Variants in EPB41L4A observed in about 807,000 individuals in gnomAD.
The protein encoded by EPB41L4A is erythrocyte membrane protein band 4.1 like 4A.
A neutral mutation model predicts 108.6 loss-of-function variants in EPB41L4A; 100 were observed. That is an observed-to-expected ratio of 0.92 (90% CI 0.78 to 1.09). EPB41L4A has a LOEUF of 1.09. EPB41L4A is among the 50% of genes least tolerant of loss of function. The pLI, the probability that EPB41L4A is intolerant of heterozygous loss-of-function variation, is 0.00. For missense variants in EPB41L4A, 1,030 were observed against 842.7 expected (o/e 1.22, Z -2.75); for synonymous variants, 319 against 289.0 (o/e 1.10, Z -1.05).
At chr5:112,361,716 T>A (rs200064331) in intron 1 of EPB41L4A, among the ~76,000 whole-genome samples, 106 of 117,626 alleles carry the variant, frequency 9.0e-4, no homozygotes, top group Non-Finnish European at 1.4e-3. Context: ...AAAAAAATAA[T>A]AATAATAATA....
rs372551239 is a variant in EPB41L4A at position 112,296,697 on chromosome 5, C to A, written c.204+10689G>T. ...AATGGTGATTTGTGAGATTTTGGTG[C>A]AACCATCACCCAAGCAGTATACACT... On this transcript the variant is annotated intron_variant, in intron 2 of 22. Transcript: ENST00000261486. 6.5e-4 allele frequency among the ~76,000 whole-genome samples: 99 copies of A among 152,156 alleles called. 2 individuals carry two copies. In the South Asian group the frequency reaches 0.02, roughly 30 times the overall value.
At chr5:112,374,410 G>A (rs1027416587) in intron 1 of EPB41L4A, among the ~76,000 whole-genome samples, 2 of 152,082 alleles carry the variant, frequency 1.3e-5, no homozygotes, top group Non-Finnish European at 2.9e-5. Context: ...TATAGTCAGG[G>A]GAATAAATAC....
chr5:112,384,095 G>A (rs528929171), intron 1 of EPB41L4A, among the ~76,000 whole-genome samples: 5 of 152,252 alleles, frequency 3.3e-5, no homozygotes, highest in South Asian at 2.1e-4. Flanking sequence ...GTTAGGAGTC[G>A]CTGGTGGGGA....
chr5:112,231,087 A>T (rs115660375), intron 12 of EPB41L4A, among the ~76,000 whole-genome samples: 2,179 of 152,352 alleles, frequency 0.014, 44 homozygotes, highest in African/African-American at 0.049. Flanking sequence ...GCTTAAAGAT[A>T]TCACTACAAG....
Position 112,404,691 on chromosome 5 carries a change from A to C in EPB41L4A, c.99+14250T>G, listed in dbSNP as rs114667510. On this transcript the variant is annotated intron_variant, in intron 1 of 22. Coordinates refer to ENST00000261486, the MANE Select transcript of EPB41L4A (RefSeq NM_022140.5). ...ACACTCAATGAAAAGTATTTTCATC[A>C]AGCTGATTATTTCTCAAAGCATAAC... 4.0e-3 allele frequency among the ~76,000 whole-genome samples: 610 copies of C among 152,272 alleles called. 4 individuals carry two copies. The highest frequency in any genetic ancestry group is 0.014 in the African/African-American group (583 of 41,544).
intron 1 of EPB41L4A, among the ~76,000 whole-genome samples, chr5:112,378,966 C>T (rs1759993542): frequency 6.6e-6 from 1 of 152,126 alleles, no homozygotes; most frequent in Non-Finnish European, 1.5e-5. Flanking sequence ...CAGTCCATGT[C>T]CACTCTCCTG....
intron 4 of EPB41L4A, among the ~76,000 whole-genome samples, chr5:112,270,128 G>A (rs1207314144): frequency 3.3e-5 from 5 of 152,226 alleles, no homozygotes; most frequent in Non-Finnish European, 5.9e-5. Context: ...AGAAGGGGCA[G>A]AGAGACAGAA....
chr5:112,320,295 C>A (rs147020738), intron 1 of EPB41L4A, among the ~76,000 whole-genome samples: 2 of 152,320 alleles, frequency 1.3e-5, no homozygotes, highest in East Asian at 3.9e-4. Flanking sequence ...GTGACCCACT[C>A]TATAGCAGTC....
chr5:112,149,535 C>T (rs776899971), intron 12 of EPB41L4A, among the ~76,000 whole-genome samples: 45 of 152,072 alleles, frequency 3.0e-4, no homozygotes, highest in Non-Finnish European at 4.9e-4. Context: ...AGAATTGTTA[C>T]GTTTATACAT....
intron 1 of EPB41L4A, among the ~76,000 whole-genome samples, chr5:112,397,141 A>G (rs918975008): frequency 2.0e-5 from 3 of 152,088 alleles, no homozygotes; most frequent in Non-Finnish European, 4.4e-5. Context: ...CTTTATGACT[A>G]TATGTACCCA....
chr5:112,169,161 G>T, intron 20 of EPB41L4A, 56 bp from the exon 21 acceptor site: 1 of 1,263,818 alleles, frequency 7.9e-7, no homozygotes, highest in Non-Finnish European at 1.2e-6. Flanking sequence ...AAAAGGAAAA[G>T]TAGGAGTTCT....
chr5:112,358,270 AC>A (rs1176076272), intron 1 of EPB41L4A, among the ~76,000 whole-genome samples: 1 of 152,212 alleles, frequency 6.6e-6, no homozygotes, highest in African/African-American at 2.4e-5. Flanking sequence ...TTACACATAC[AC>A]ACATGAATTT....
chr5:112,170,166 T>C, intron 20 of EPB41L4A, 135 bp downstream of exon 20: 1 of 793,794 alleles, frequency 1.3e-6, no homozygotes, highest in South Asian at 1.6e-5. Flanking sequence ...TCTTCCTCTT[T>C]CGCTACTGTC....
intron 12 of EPB41L4A, among the ~76,000 whole-genome samples, chr5:112,228,053 C>G (rs1371374255): frequency 2.0e-5 from 3 of 152,150 alleles, no homozygotes; most frequent in Non-Finnish European, 4.4e-5. Context: ...GAGGATGCTG[C>G]AGAAACATAG....
chr5:112,158,176 C>A (rs538865541), downstream of EPB41L4A, among the ~76,000 whole-genome samples: 1 of 152,192 alleles, frequency 6.6e-6, no homozygotes, highest in East Asian at 1.9e-4. Context: ...AAAGTGGGAG[C>A]AATAATGTAA....
intron 2 of EPB41L4A, among the ~76,000 whole-genome samples, chr5:112,289,827 C>T (rs745476177): frequency 6.6e-5 from 10 of 151,986 alleles, no homozygotes; most frequent in Non-Finnish European, 1.0e-4. Flanking sequence ...CGCAGATCCA[C>T]GAGCAAAATG....
chr5:112,168,880 T>G, intron 21 of EPB41L4A, 60 bp from the exon 22 acceptor site: 1 of 1,536,304 alleles, frequency 6.5e-7, no homozygotes, highest in African/African-American at 1.4e-5. Context: ...ATAAATTAAG[T>G]TGGAAGAGAA....
chr5:112,186,422 C>T (rs879744642), intron 17 of EPB41L4A, among the ~76,000 whole-genome samples: 1 of 152,146 alleles, frequency 6.6e-6, no homozygotes, highest in Non-Finnish European at 1.5e-5. Flanking sequence ...CATAAGCATG[C>T]GTATTTCCTG....
intron 1 of EPB41L4A, among the ~76,000 whole-genome samples, chr5:112,384,090 G>C (rs894884641): frequency 6.6e-6 from 1 of 152,146 alleles, no homozygotes; most frequent in Non-Finnish European, 1.5e-5. Flanking sequence ...AGTAGGTTAG[G>C]AGTCGCTGGT....
Sources: allele counts gnomAD v4.1 joint callset (sites outside exome capture counted in the v4.1 genomes callset), GRCh38; gene constraint gnomAD v4.1.1; transcripts MANE v1.5; gene names NCBI Gene and HGNC (gene_info 2026-07-23, HGNC 2026-07-21).